MIER1: variants seen among roughly 807,000 people sequenced by gnomAD.
The protein encoded by MIER1 is mesoderm induction early response protein 1.
In MIER1, 40 loss-of-function variants were observed where a neutral mutation model predicts 75.7. The observed-to-expected ratio is 0.53, with a 90% CI of 0.41 to 0.69. The LOEUF is 0.69. Among genes scored for constraint, MIER1 ranks in the 30% least tolerant of loss-of-function variants. The pLI is 0.00. For missense variants in MIER1, 574 were observed against 680.2 expected, an observed-to-expected ratio of 0.84 and a Z score of 1.74; for synonymous variants, 213 against 223.4, an observed-to-expected ratio of 0.95 and a Z score of 0.42.
At chr1:66,957,032 T>C (rs898502642) in intron 4 of MIER1, among the ~76,000 whole-genome samples, 1 of 152,220 alleles carries the variant, frequency 6.6e-6, no homozygotes, top group Non-Finnish European at 1.5e-5. Flanking sequence ...CCCTTTTTTT[T>C]CTAGCTTCTA....
In MIER1 at chr1:66,926,164, C is replaced by T; in HGVS notation, c.90C>T (p.Ser30=). ...GSGYGVVARF[S]QCLAEFRTWL... ...CAGATGGTGTGGTCGCTCGATTCTCCCAGTGCCTGGCTGAGTTTCGGACGT... is the reference window on the plus strand; with the variant it reads ...CAGATGGTGTGGTCGCTCGATTCTCTCAGTGCCTGGCTGAGTTTCGGACGT... The change falls in exon 2 of 14, where the codon TCC becomes TCT. Residue 30 remains serine (S), a synonymous_variant. Transcript: ENST00000401041. 2 of 1,613,798 alleles carry T rather than the reference C, an allele frequency of 1.2e-6. No individual in the cohort carries two copies. The highest frequency in any genetic ancestry group is 1.7e-6 in the Non-Finnish European group (2 of 1,179,788).
At chr1:66,927,364 CACACTTTTTTAGTTTAAAAATTTTAT>C (rs1652078917) in intron 2 of MIER1, among the ~76,000 whole-genome samples, 1 of 152,054 alleles carries the variant, frequency 6.6e-6, no homozygotes, top group Non-Finnish European at 1.5e-5. Context: ...TGGAATTCAG[CACACTTTTTTAGTTTAAAAATTTTAT>C]ACACAATTCC....
intron 4 of MIER1, chr1:66,948,102 C>G (rs1186475166): frequency 1.1e-6 from 1 of 926,176 alleles, no homozygotes; most frequent in Non-Finnish European, 1.3e-6. Flanking sequence ...TGTACCTCCA[C>G]TGGTTTTGAG....
At chr1:66,947,867 A>C (rs1447524370) in intron 4 of MIER1, 21 of 928,018 alleles carry the variant, frequency 2.3e-5, no homozygotes, top group Non-Finnish European at 2.7e-5. Flanking sequence ...CTTCTGCTTC[A>C]AGGGTTTTCA....
At chr1:66,946,572 T>C (rs1440712531) in intron 4 of MIER1, 104 of 1,091,184 alleles carry the variant, frequency 9.5e-5, no homozygotes, top group Non-Finnish European at 1.1e-4. Flanking sequence ...AAATGGACTA[T>C]AAAAGGATTC....
chr1:66,925,196 C>T, intron 1 of MIER1, 101 bp downstream of exon 1: 3 of 1,454,412 alleles, frequency 2.1e-6, no homozygotes, highest in Non-Finnish European at 2.7e-6. Context: ...TCCCCTCCCC[C>T]ACGGCAGTGT....
At chr1:66,982,031 AT>A in intron 13 of MIER1, 113 bp downstream of exon 13, 1 of 988,686 alleles carries the variant, frequency 1.0e-6, no homozygotes, top group Non-Finnish European at 1.5e-6. Flanking sequence ...AAAGTAAAAA[AT>A]GATAACACAT....
chr1:66,930,755 G>C (rs987987247), intron 2 of MIER1, among the ~76,000 whole-genome samples: 4 of 152,132 alleles, frequency 2.6e-5, no homozygotes, highest in Non-Finnish European at 1.5e-5. Flanking sequence ...TTCCTCTTGC[G>C]AAGTTTTTTC....
intron 12 of MIER1, 70 bp downstream of exon 12, chr1:66,976,792 AATT>A: frequency 3.9e-6 from 5 of 1,292,834 alleles, no homozygotes; most frequent in South Asian, 3.5e-5. Flanking sequence ...TTCTTGAGTT[AATT>A]ATTATTTTGA....
chr1:66,942,943 T>C (rs1656592728), intron 3 of MIER1, among the ~76,000 whole-genome samples: 1 of 152,192 alleles, frequency 6.6e-6, no homozygotes, highest in African/African-American at 2.4e-5. Flanking sequence ...AACTTGAATT[T>C]TTTTAAAAGT....
chr1:66,941,870 T>C (rs1191933109), intron 3 of MIER1, among the ~76,000 whole-genome samples: 3 of 150,852 alleles, frequency 2.0e-5, no homozygotes, highest in Non-Finnish European at 2.9e-5. Context: ...CTCGGAAGGC[T>C]GAGGTGGGAG....
chr1:66,959,216 T>G (rs1660753940), intron 6 of MIER1, among the ~76,000 whole-genome samples: 1 of 152,174 alleles, frequency 6.6e-6, no homozygotes, highest in African/African-American at 2.4e-5. Flanking sequence ...TGTTTTTTCT[T>G]TGCCCTGTTT....
At chr1:66,968,067 A>T (rs1662789185) in intron 8 of MIER1, among the ~76,000 whole-genome samples, 1 of 152,170 alleles carries the variant, frequency 6.6e-6, no homozygotes, top group Non-Finnish European at 1.5e-5. Context: ...TGATTTTAGA[A>T]AGTAATTATG....
At chr1:66,948,442 T>G (rs916922596) in intron 4 of MIER1, among the ~76,000 whole-genome samples, 2 of 152,242 alleles carry the variant, frequency 1.3e-5, no homozygotes, top group Non-Finnish European at 2.9e-5. Flanking sequence ...TTACTGTTTA[T>G]TGAAATCTTG....
rs1241541100 is a variant in MIER1, at chr1:66,972,953, G to T, written c.1063G>T (p.Ala355Ser). The change falls in exon 11 of 14, where the codon GCC (alanine) becomes TCC (serine). Residue 355 changes from alanine (A) to serine (S), a missense_variant. Around this residue, in one of 3 missense-constraint regions of MIER1, gnomAD observed 101 missense variants for 173.1 expected, o/e 0.58. Transcript: ENST00000401041. Reference protein sequence around the residue: ...ECRNFEQGLKAYGKDFHLIQA... With the variant: ...ECRNFEQGLKSYGKDFHLIQA... ...TAGAAATTTTGAACAAGGGCTGAAG[G>T]CCTATGGAAAGGATTTTCATTTGAT... is the stretch of plus-strand genomic sequence containing the variant. The T allele has an allele frequency of 6.2e-7, 1 of 1,608,622 alleles. No individual in the cohort carries two copies. The highest frequency in any genetic ancestry group is 1.1e-5 in the South Asian group (1 of 90,914).
At chr1:66,932,382 A>T (rs1007240035) in intron 2 of MIER1, among the ~76,000 whole-genome samples, 2 of 152,180 alleles carry the variant, frequency 1.3e-5, no homozygotes, top group Admixed American at 6.5e-5. Context: ...TATCTTCTAT[A>T]TTCTTCAGTT....
chr1:66,952,426 G>A (rs1056349904), intron 4 of MIER1, among the ~76,000 whole-genome samples: 1 of 152,024 alleles, frequency 6.6e-6, no homozygotes, highest in South Asian at 2.1e-4. Flanking sequence ...TGCGTTACAC[G>A]ATATCATTAC....
chr1:66,982,033 G>A (rs558026687), intron 13 of MIER1, 115 bp downstream of exon 13: 7 of 990,290 alleles, frequency 7.1e-6, no homozygotes, highest in Non-Finnish European at 1.1e-5. Context: ...AGTAAAAAAT[G>A]ATAACACATG....
intron 1 of MIER1, chr1:66,925,541 A>C: frequency 9.1e-6 from 9 of 985,424 alleles, no homozygotes; most frequent in Non-Finnish European, 9.6e-6. Flanking sequence ...TATGGTGAGC[A>C]GCGCCCTGGG....
Sources: gnomAD v4.1 joint callset for allele counts (sites outside exome capture counted in the v4.1 genomes callset) on GRCh38, gnomAD v4.1.1 for gene constraint, gnomAD v4.1.1 regional missense constraint, MANE v1.5 for transcripts, NCBI Gene and HGNC (gene_info 2026-07-23, HGNC 2026-07-21) for gene names.